The following NRG1 variants were observed in gnomAD, a reference collection of about 807,000 sequenced individuals.
NRG1 encodes pro-neuregulin-1, membrane-bound isoform.
In NRG1, 18 loss-of-function variants were observed where a neutral mutation model predicts 63.8. The ratio of observed to expected loss-of-function variants is 0.28; its 90% CI spans 0.19 to 0.42. The LOEUF (loss-of-function observed/expected upper bound fraction) is 0.42. NRG1 is among the 10% of genes least tolerant of loss of function. The pLI is 1.00. For synonymous variants in NRG1, 302 were observed against 301.3 expected (o/e 1.00, Z -0.02); for missense variants, 762 against 814.7 (o/e 0.94, Z 0.79).
At chr8:31,855,375 T>C (rs1827745802) in intron 1 of NRG1, among the ~76,000 whole-genome samples, 1 of 152,152 alleles carries the variant, frequency 6.6e-6, no homozygotes, top group African/African-American at 2.4e-5. Flanking sequence ...AATGGCCTTC[T>C]TTGTCTCTTT....
At chr8:32,357,795 A>G (rs1806648864) in intron 1 of NRG1, among the ~76,000 whole-genome samples, 1 of 152,246 alleles carries the variant, frequency 6.6e-6, no homozygotes, top group Non-Finnish European at 1.5e-5. Flanking sequence ...AAAAATTTAT[A>G]AGACACTGTC....
chr8:31,709,692 A>T (rs921372295), intron 1 of NRG1, among the ~76,000 whole-genome samples: 10 of 152,030 alleles, frequency 6.6e-5, no homozygotes, highest in Non-Finnish European at 2.9e-5. Context: ...ATTATACATT[A>T]CTAGAAAATT....
At chr8:32,668,406 G>GA (rs1316077062) in intron 5 of NRG1, among the ~76,000 whole-genome samples, 1 of 152,128 alleles carries the variant, frequency 6.6e-6, no homozygotes, top group Non-Finnish European at 1.5e-5. Context: ...GTCTCAGTCA[G>GA]AAAAATATGA....
chr8:32,349,173 GT>G (rs1199365642), intron 1 of NRG1, among the ~76,000 whole-genome samples: 1 of 152,136 alleles, frequency 6.6e-6, no homozygotes, highest in Non-Finnish European at 1.5e-5. Flanking sequence ...CATGTTCCTA[GT>G]TATGTGAAAG....
At chr8:32,697,851 A>G (rs1213615311) in intron 5 of NRG1, among the ~76,000 whole-genome samples, 1 of 152,202 alleles carries the variant, frequency 6.6e-6, no homozygotes, top group African/African-American at 2.4e-5. Context: ...GAATTAGAAA[A>G]ACAAATTTCA....
intron 5 of NRG1, among the ~76,000 whole-genome samples, chr8:32,631,705 A>G (rs1036511177): frequency 3.9e-5 from 6 of 152,206 alleles, no homozygotes; most frequent in Non-Finnish European, 8.8e-5. Context: ...TTTATAGTAG[A>G]TATAAATAAG....
intron 1 of NRG1, among the ~76,000 whole-genome samples, chr8:32,592,437 C>G (rs1842690388): frequency 6.6e-6 from 1 of 152,024 alleles, no homozygotes; most frequent in Non-Finnish European, 1.5e-5. Context: ...TAATCTAGAT[C>G]ACATTTACAG....
chr8:32,338,879 T>C (rs1004379620), intron 1 of NRG1, among the ~76,000 whole-genome samples: 13 of 152,146 alleles, frequency 8.5e-5, no homozygotes, highest in African/African-American at 3.1e-4. Context: ...ACATCAGTTG[T>C]TACATCTGGC....
At chr8:32,549,550 A>G (rs1833735107) in intron 1 of NRG1, among the ~76,000 whole-genome samples, 1 of 152,256 alleles carries the variant, frequency 6.6e-6, no homozygotes, top group Non-Finnish European at 1.5e-5. Flanking sequence ...GACCTCTGTG[A>G]TAAATATGGA....
intron 1 of NRG1, among the ~76,000 whole-genome samples, chr8:32,318,602 T>A (rs1226072965): frequency 6.6e-6 from 1 of 152,210 alleles, no homozygotes; most frequent in Non-Finnish European, 1.5e-5. Context: ...TTACAGCATT[T>A]TATATGCTGA....
chr8:31,877,603 T>C (rs1004323265), intron 1 of NRG1, among the ~76,000 whole-genome samples: 4 of 152,186 alleles, frequency 2.6e-5, no homozygotes, highest in African/African-American at 9.6e-5. Flanking sequence ...TATAAAGTAC[T>C]CTAGAGGCAT....
chr8:32,741,815 C>T (rs1280423073), intron 6 of NRG1, among the ~76,000 whole-genome samples, 193 bp from the exon 7 acceptor site: 1 of 152,106 alleles, frequency 6.6e-6, no homozygotes, highest in East Asian at 1.9e-4. Flanking sequence ...CTGAAGCAAA[C>T]AACAACAAAA....
intron 1 of NRG1, among the ~76,000 whole-genome samples, chr8:32,062,849 T>G (rs1470304667): frequency 6.6e-6 from 1 of 152,116 alleles, no homozygotes; most frequent in African/African-American, 2.4e-5. Flanking sequence ...TACAGATGTA[T>G]TCTCTTTTGG....
intron 7 of NRG1, among the ~76,000 whole-genome samples, chr8:32,773,045 C>T (rs920196601): frequency 1.3e-4 from 20 of 152,112 alleles, no homozygotes; most frequent in African/African-American, 4.6e-4. Flanking sequence ...TTCACTGATA[C>T]CTCTGATTTC....
At chr8:31,912,886 A>C (rs1833065421) in intron 1 of NRG1, among the ~76,000 whole-genome samples, 1 of 152,072 alleles carries the variant, frequency 6.6e-6, no homozygotes, top group Admixed American at 6.6e-5. Context: ...TTCCTTCTAA[A>C]AAATATTTCT....
chr8:32,376,782 C>A (rs1407278411), intron 1 of NRG1, among the ~76,000 whole-genome samples: 1 of 152,110 alleles, frequency 6.6e-6, no homozygotes, highest in Non-Finnish European at 1.5e-5. Flanking sequence ...ATCCAAGAGT[C>A]CTTCCAAGCA....
intron 1 of NRG1, among the ~76,000 whole-genome samples, chr8:32,155,467 A>G (rs566606479): frequency 2.6e-5 from 4 of 152,300 alleles, no homozygotes; most frequent in Non-Finnish European, 5.9e-5. Flanking sequence ...GCATATATAT[A>G]TATACACTAT....
chr8:31,765,705 G>C (rs537538338), intron 1 of NRG1, among the ~76,000 whole-genome samples: 1 of 152,248 alleles, frequency 6.6e-6, no homozygotes, highest in African/African-American at 2.4e-5. Context: ...TTAAGACAAT[G>C]TTGTGGATAG....
chr8:32,477,135 A>G (rs533161372), intron 1 of NRG1, among the ~76,000 whole-genome samples: 1 of 152,306 alleles, frequency 6.6e-6, no homozygotes, highest in African/African-American at 2.4e-5. Context: ...TCCAGCAACA[A>G]GTCTGATCGT....
Sources: allele counts gnomAD v4.1 joint callset (sites outside exome capture counted in the v4.1 genomes callset), GRCh38; gene constraint gnomAD v4.1.1; transcripts MANE v1.5; gene names NCBI Gene and HGNC (gene_info 2026-07-23, HGNC 2026-07-21).